MAF: variants seen among roughly 807,000 people sequenced by gnomAD.
The protein encoded by MAF is MAF bZIP transcription factor.
A neutral mutation model predicts 22.0 loss-of-function variants in MAF; 10 were observed. The observed-to-expected ratio is 0.45, with a 90% CI of 0.28 to 0.77. The LOEUF is 0.77. Among genes scored for constraint, MAF ranks in the 30% least tolerant of loss-of-function variants. The pLI is 0.12. For missense variants in MAF, 544 were observed against 548.4 expected (o/e 0.99, Z 0.08); for synonymous variants, 337 against 255.8 (o/e 1.32, Z -3.03).
the MAF span, among the ~76,000 whole-genome samples, chr16:79,489,738 G>A: frequency 6.6e-6 from 1 of 152,230 alleles, no homozygotes; most frequent in Non-Finnish European, 1.5e-5. Context: ...CAAAGCTTCA[G>A]GGTACGGAAA....
At chr16:79,581,979 G>A (rs1195467784), downstream of MAF, among the ~76,000 whole-genome samples, 1 of 152,102 alleles carries the variant, frequency 6.6e-6, no homozygotes, top group Non-Finnish European at 1.5e-5. Flanking sequence ...AATTTTATAA[G>A]TGCTAATAAT....
At chr16:79,406,657 T>C in the MAF span, among the ~76,000 whole-genome samples, 6 of 152,130 alleles carry the variant, frequency 3.9e-5, no homozygotes, top group African/African-American at 1.4e-4. Context: ...GATTTCAACA[T>C]ATGGATTTGT....
the MAF span, among the ~76,000 whole-genome samples, chr16:79,371,480 C>T: frequency 1.3e-5 from 2 of 152,126 alleles, no homozygotes; most frequent in Admixed American, 1.3e-4. Context: ...TCCACTTTCT[C>T]GAATGACTAA....
the MAF span, among the ~76,000 whole-genome samples, chr16:79,548,778 C>G: frequency 6.6e-6 from 1 of 152,152 alleles, no homozygotes; most frequent in East Asian, 1.9e-4. Flanking sequence ...CAAGACACTA[C>G]ATAGAAAAAG....
At chr16:79,473,358 C>G in the MAF span, among the ~76,000 whole-genome samples, 4 of 152,206 alleles carry the variant, frequency 2.6e-5, no homozygotes, top group Non-Finnish European at 5.9e-5. Flanking sequence ...AGGAACTTCA[C>G]TCCTTTTAAC....
chr16:79,547,338 C>T, the MAF span, among the ~76,000 whole-genome samples: 40 of 151,940 alleles, frequency 2.6e-4, no homozygotes, highest in African/African-American at 6.3e-4. Flanking sequence ...CATACACACA[C>T]GTACCCACAG....
the MAF span, among the ~76,000 whole-genome samples, chr16:79,491,431 G>A: frequency 6.6e-6 from 1 of 152,102 alleles, no homozygotes; most frequent in Non-Finnish European, 1.5e-5. Context: ...CTTCTTTGTT[G>A]AACACAAGAA....
chr16:79,554,459 G>A, the MAF span, among the ~76,000 whole-genome samples: 1 of 152,146 alleles, frequency 6.6e-6, no homozygotes, highest in Non-Finnish European at 1.5e-5. Context: ...GAAAGCCATA[G>A]GAAAAGCTGC....
chr16:79,338,311 A>G, the MAF span, among the ~76,000 whole-genome samples: 1 of 152,206 alleles, frequency 6.6e-6, no homozygotes, highest in Admixed American at 6.5e-5. Context: ...ATGACTTTAT[A>G]TGCTAAGTCA....
intron 1 of MAF, among the ~76,000 whole-genome samples, chr16:79,587,649 G>A (rs1304978632): frequency 6.6e-6 from 1 of 152,070 alleles, no homozygotes; most frequent in Non-Finnish European, 1.5e-5. Flanking sequence ...CGTAGGCTTT[G>A]CAAAATGCCC....
chr16:79,595,647 T>TTAAG (rs1913474354), intron 1 of MAF: 8 of 1,057,738 alleles, frequency 7.6e-6, no homozygotes, highest in Non-Finnish European at 8.0e-6. Context: ...CAAGGGATCT[T>TTAAG]TAAGTCAGCC....
the MAF span, among the ~76,000 whole-genome samples, chr16:79,244,792 G>A: frequency 3.3e-5 from 5 of 152,134 alleles, no homozygotes; most frequent in East Asian, 9.6e-4. Flanking sequence ...AAAGCTGGAG[G>A]CATCATGCTA....
chr16:79,337,135 A>G, the MAF span, among the ~76,000 whole-genome samples: 1 of 152,220 alleles, frequency 6.6e-6, no homozygotes. Flanking sequence ...CACTGGAAAT[A>G]TTTGTTAAGA....
chr16:79,388,783 C>G, the MAF span, among the ~76,000 whole-genome samples: 4 of 152,262 alleles, frequency 2.6e-5, no homozygotes, highest in African/African-American at 4.8e-5. Flanking sequence ...TTGCATTAGC[C>G]TTTTTTATAT....
the MAF span, among the ~76,000 whole-genome samples, chr16:79,460,231 G>T: frequency 6.6e-6 from 1 of 151,970 alleles, no homozygotes; most frequent in African/African-American, 2.4e-5. Context: ...TGACCGTATC[G>T]ATCTATTTCT....
the MAF span, among the ~76,000 whole-genome samples, chr16:79,340,985 G>A: frequency 6.6e-6 from 1 of 152,220 alleles, no homozygotes; most frequent in Non-Finnish European, 1.5e-5. Context: ...ACCTCAAGAT[G>A]AAGAGGGACC....
the MAF span, chr16:79,212,736 A>C: frequency 6.6e-6 from 1 of 151,820 alleles, no homozygotes; most frequent in Non-Finnish European, 1.5e-5. Flanking sequence ...TTTTTTAGAA[A>C]AGAAATCTAG....
the MAF span, among the ~76,000 whole-genome samples, chr16:79,518,919 C>G: frequency 1.3e-5 from 2 of 152,066 alleles, no homozygotes; most frequent in African/African-American, 2.4e-5. Flanking sequence ...GAGTGAAACT[C>G]TGTCTCAAAA....
the MAF span, among the ~76,000 whole-genome samples, chr16:79,401,773 G>T: frequency 6.6e-6 from 1 of 152,156 alleles, no homozygotes; most frequent in Non-Finnish European, 1.5e-5. Context: ...TACAAGAAAG[G>T]GAAGACAGAG....
Sources: gnomAD v4.1 joint callset for allele counts (sites outside exome capture counted in the v4.1 genomes callset) on GRCh38, gnomAD v4.1.1 for gene constraint, MANE v1.5 for transcripts, NCBI Gene and HGNC (gene_info 2026-07-23, HGNC 2026-07-21) for gene names.